UNC5D: variants seen among roughly 807,000 people sequenced by gnomAD.
The protein encoded by UNC5D is netrin receptor UNC5D.
A neutral mutation model predicts 105.4 loss-of-function variants in UNC5D; 39 were observed. The ratio of observed to expected loss-of-function variants is 0.37; its 90% CI spans 0.29 to 0.48. The LOEUF (loss-of-function observed/expected upper bound fraction) is 0.48. UNC5D is among the 20% of genes least tolerant of loss of function. UNC5D has a pLI of 0.98. For synonymous variants in UNC5D, 452 were observed against 450.4 expected, an observed-to-expected ratio of 1.00 and a Z score of -0.04; for missense variants, 991 against 1,202.4, an observed-to-expected ratio of 0.82 and a Z score of 2.60.
At chr8:35,717,015 C>T (rs1367914478) in intron 8 of UNC5D, among the ~76,000 whole-genome samples, 1 of 152,212 alleles carries the variant, frequency 6.6e-6, no homozygotes, top group Non-Finnish European at 1.5e-5. Flanking sequence ...CTATGGGATT[C>T]CATCTCCATG....
At chr8:35,507,245 C>T (rs1812382449) in intron 1 of UNC5D, among the ~76,000 whole-genome samples, 1 of 151,562 alleles carries the variant, frequency 6.6e-6, no homozygotes, top group African/African-American at 2.4e-5. Flanking sequence ...TTAGTAGAGA[C>T]GGGGTTTCAC....
chr8:35,509,908 A>C (rs1812585864), intron 1 of UNC5D, among the ~76,000 whole-genome samples: 1 of 152,154 alleles, frequency 6.6e-6, no homozygotes, highest in Admixed American at 6.5e-5. Context: ...AGCTTAAGGA[A>C]ACCCTTACTT....
intron 1 of UNC5D, among the ~76,000 whole-genome samples, chr8:35,519,763 T>C (rs991122592): frequency 2.0e-5 from 3 of 151,806 alleles, no homozygotes; most frequent in Non-Finnish European, 4.4e-5. Context: ...AAAAACAACA[T>C]TGAGTTCAGA....
At chr8:35,730,337 G>T (rs1164984856) in intron 10 of UNC5D, among the ~76,000 whole-genome samples, 2 of 152,176 alleles carry the variant, frequency 1.3e-5, no homozygotes, top group Admixed American at 6.5e-5. Flanking sequence ...TGGAAGTAAG[G>T]CTGCTAGTTT....
intron 1 of UNC5D, among the ~76,000 whole-genome samples, chr8:35,327,562 C>T (rs1037439123): frequency 2.0e-5 from 3 of 152,206 alleles, no homozygotes; most frequent in African/African-American, 7.2e-5. Flanking sequence ...CTGCCAGGGG[C>T]ATATTTGACC....
chr8:35,273,688 G>C (rs1270419970), intron 1 of UNC5D, among the ~76,000 whole-genome samples: 3 of 152,254 alleles, frequency 2.0e-5, no homozygotes, highest in Middle Eastern at 3.4e-3. Flanking sequence ...CAGTGTTTTA[G>C]TCTCATATCA....
At chr8:35,506,415 C>T (rs1021314920) in intron 1 of UNC5D, among the ~76,000 whole-genome samples, 5 of 152,156 alleles carry the variant, frequency 3.3e-5, no homozygotes, top group African/African-American at 1.2e-4. Flanking sequence ...TCCTGATTGG[C>T]ATATGAAATT....
At chr8:35,652,915 ATTTT>A (rs34611902) in intron 4 of UNC5D, among the ~76,000 whole-genome samples, 10 of 49,158 alleles carry the variant, frequency 2.0e-4, no homozygotes, top group African/African-American at 6.5e-4. Context: ...ACAAGTGAGG[ATTTT>A]TTTTTTTTTT....
chr8:35,662,780 G>T (rs558639574), intron 4 of UNC5D, among the ~76,000 whole-genome samples: 1 of 152,320 alleles, frequency 6.6e-6, no homozygotes, highest in Admixed American at 6.5e-5. Flanking sequence ...GGAGTCCCCA[G>T]TCCCTACCAC....
At chr8:35,680,669 T>G (rs1377958226) in intron 4 of UNC5D, among the ~76,000 whole-genome samples, 1 of 152,234 alleles carries the variant, frequency 6.6e-6, no homozygotes, top group Admixed American at 6.5e-5. Context: ...GGTTGTACCT[T>G]TAATTTTCCT....
intron 1 of UNC5D, among the ~76,000 whole-genome samples, chr8:35,389,874 C>G (rs1803663792): frequency 6.6e-6 from 1 of 151,976 alleles, no homozygotes; most frequent in South Asian, 2.1e-4. Context: ...TTCCTATTAA[C>G]GGAATAGGCA....
At chr8:35,244,684 T>C (rs990216165) in intron 1 of UNC5D, among the ~76,000 whole-genome samples, 14 of 152,140 alleles carry the variant, frequency 9.2e-5, no homozygotes, top group Admixed American at 2.0e-4. Flanking sequence ...AAATAACAAA[T>C]TACAGTAGTT....
chr8:35,558,843 C>T (rs972430965), intron 2 of UNC5D, among the ~76,000 whole-genome samples: 3 of 152,002 alleles, frequency 2.0e-5, no homozygotes, highest in Non-Finnish European at 2.9e-5. Flanking sequence ...ATTAGGTGGT[C>T]GTGATGGCGC....
rs778210897 is a variant in UNC5D, at chr8:35,568,109, C to A, written c.334C>A (p.Arg112Ser). The A allele has an allele frequency of 6.2e-7, 1 of 1,614,048 alleles. No homozygotes were observed. Among genetic ancestry groups the A allele is most frequent in the Non-Finnish European group, 8.5e-7 (1 of 1,179,986 alleles). Residue 112 changes from arginine to serine, a missense_variant, in exon 3 of 17, where the codon CGC (arginine) becomes AGC (serine). Around this residue, in one of 3 missense-constraint regions of UNC5D, gnomAD observed 944 missense variants for 1,131.6 expected, o/e 0.83. Transcript: ENST00000404895. ...TLDESSGLKV[R>S]EVFINVTRQQ... ...TCTCCCACCATCAGGTTTGAAGGTC[C>A]GCGAAGTGTTCATCAATGTTACTAG...
chr8:35,621,759 T>C (rs532887186), intron 4 of UNC5D, among the ~76,000 whole-genome samples: 10 of 152,288 alleles, frequency 6.6e-5, no homozygotes, highest in South Asian at 4.1e-4. Flanking sequence ...GAGAGCCTGC[T>C]AAAGCATATC....
intron 10 of UNC5D, 95 bp downstream of exon 10, chr8:35,726,624 T>TG: frequency 6.5e-7 from 1 of 1,532,716 alleles, no homozygotes; most frequent in Non-Finnish European, 8.8e-7. Flanking sequence ...TGATGTTTAC[T>TG]CTCCCCTCAT....
intron 1 of UNC5D, among the ~76,000 whole-genome samples, chr8:35,302,373 A>G (rs917990994): frequency 6.6e-6 from 1 of 152,230 alleles, no homozygotes; most frequent in Non-Finnish European, 1.5e-5. Context: ...AATACAACTG[A>G]AAAATGATGC....
intron 1 of UNC5D, among the ~76,000 whole-genome samples, chr8:35,490,681 C>T (rs1048071215): frequency 5.3e-5 from 8 of 152,162 alleles, no homozygotes; most frequent in African/African-American, 1.7e-4. Flanking sequence ...CTGTCAGGTA[C>T]AGTAGACATG....
chr8:35,463,066 T>C (rs1395950864), intron 1 of UNC5D, among the ~76,000 whole-genome samples: 1 of 152,218 alleles, frequency 6.6e-6, no homozygotes, highest in Admixed American at 6.5e-5. Flanking sequence ...TTGACAAGTG[T>C]TTCCTTTCTG....
Sources: gnomAD v4.1 joint callset for allele counts (sites outside exome capture counted in the v4.1 genomes callset) on GRCh38, gnomAD v4.1.1 for gene constraint, gnomAD v4.1.1 regional missense constraint, MANE v1.5 for transcripts, NCBI Gene and HGNC (gene_info 2026-07-23, HGNC 2026-07-21) for gene names.